TMC6: variants seen among roughly 807,000 people sequenced by gnomAD.
The protein encoded by TMC6 is transmembrane channel like 6.
TMC6 carries 71 observed loss-of-function variants against 95.4 expected under a neutral mutation model. The ratio of observed to expected loss-of-function variants is 0.74; its 90% confidence interval spans 0.61 to 0.91. The LOEUF (loss-of-function observed/expected upper bound fraction) is 0.91. TMC6 is among the 40% of genes least tolerant of loss of function. The pLI is 0.00. For missense variants in TMC6, 1,074 were observed against 1,079.1 expected (o/e 1.00, Z 0.07); for synonymous variants, 514 against 483.1 (o/e 1.06, Z -0.84).
At chr17:78,125,022 G>A (rs924129385) in intron 6 of TMC6, 37 bp from the exon 7 acceptor site, 2 of 1,553,782 alleles carry the variant, frequency 1.3e-6, no homozygotes, top group African/African-American at 2.7e-5. Context: ...CTGGACCAAT[G>A]AGGGGCCTGA....
rs2073785119 is a variant in TMC6, at chr17:78,109,636, CAGA to C, written c.*3509_*3511del. 2.3e-6 allele frequency: 1 copy of C among 443,742 alleles called. No individual in the cohort carries two copies. Among genetic ancestry groups the C allele is most frequent in the Admixed American group, 2.4e-5 (1 of 41,642 alleles). 27.5% of individuals were successfully genotyped at this position (443,742 alleles called of 1,614,324 possible). On this transcript the variant is annotated 3_prime_UTR_variant, in exon 20 of 20. Transcript: ENST00000590602. ...ACAGAAAGACCCCATCTCAAAAAAG[CAGA>C]AGCACATTTCCGAAGCCCCCCAAGC... is the stretch of plus-strand genomic sequence containing the variant.
upstream of TMC6, among the ~76,000 whole-genome samples, chr17:78,130,402 C>T (rs553502017): frequency 1.3e-3 from 199 of 152,368 alleles, no homozygotes; most frequent in African/African-American, 4.6e-3. Context: ...GCTCCCAGCT[C>T]AGGCCTCGAG....
In TMC6 at chr17:78,108,682, C is replaced by G. The variant is rs777989024; in HGVS notation, c.*4466G>C. Reference sequence around the variant, plus strand: ...TAAAGCCCTGTGTAGGGACCCCACGCAAAGACCTCGTGGGCCTGGGTGTCC... The same window carrying G: ...TAAAGCCCTGTGTAGGGACCCCACGGAAAGACCTCGTGGGCCTGGGTGTCC... On this transcript the variant is annotated 3_prime_UTR_variant, in exon 20 of 20. Transcript: ENST00000590602. 3 of 154,566 alleles carry G rather than the reference C, an allele frequency of 1.9e-5. No homozygotes were observed. Among genetic ancestry groups the G allele is most frequent in the Non-Finnish European group, 2.9e-5 (2 of 68,230 alleles). 9.6% of individuals were successfully genotyped at this position (154,566 alleles called of 1,614,324 possible).
chr17:78,132,356 C>G (rs758892814), upstream of TMC6: 1 of 1,612,828 alleles, frequency 6.2e-7, no homozygotes, highest in Non-Finnish European at 8.5e-7. Context: ...TCTCCCACTG[C>G]AGGCCTCTTC....
At position 78,121,170 on chromosome 17, in the gene TMC6, GGGGTGCA is replaced by G; in HGVS notation, c.1384-13_1384-7del. On this transcript the variant is annotated splice_region_variant and splice_polypyrimidine_tract_variant and intron_variant, in intron 11 of 19. Coordinates refer to ENST00000590602, the MANE Select transcript of TMC6 (RefSeq NM_001127198.5). This position sits in a 1 kb window ranked among gnomAD's most constrained non-coding sequence, Gnocchi z 5.6. ...TGGCCAGCAGCCTCTGGACTCTGCA[GGGGTGCA>G]GGGAGCGGTGTCATGGAAGCCCCCC... 1.3e-6 allele frequency: 2 copies of G among 1,581,484 alleles called. No homozygotes were observed. The highest frequency in any genetic ancestry group is 1.7e-6 in the Non-Finnish European group (2 of 1,164,432).
Position 78,124,754 on chromosome 17 carries a change from G to GCAGCGCCAGGCC in TMC6, c.649_660dup (p.Gly217_Leu220dup). The GCAGCGCCAGGCC allele has an allele frequency of 6.3e-7, 1 of 1,583,652 alleles. No individual in the cohort carries two copies. The highest frequency in any genetic ancestry group is 8.6e-7 in the Non-Finnish European group (1 of 1,165,564). ...GGCATCAGGGCCTGCAGGGCGGAGA[G>GCAGCGCCAGGCC]CAGCGCCAGGCCCAGGCTGTGCAAG... On this transcript the variant is annotated inframe_insertion, in exon 8 of 20. Coordinates refer to ENST00000590602, the MANE Select transcript of TMC6 (RefSeq NM_001127198.5).
At position 78,117,922 on chromosome 17, in the gene TMC6, G is replaced by A; in HGVS notation, c.1901C>T (p.Ala634Val). 1 of 1,602,186 alleles carries A rather than the reference G, an allele frequency of 6.2e-7. No homozygotes were observed. The highest frequency in any genetic ancestry group is 8.5e-7 in the Non-Finnish European group (1 of 1,175,236). Residue 634 changes from alanine (A) to valine (V), a missense_variant, in exon 16 of 20, where the codon GCC (alanine) becomes GTC (valine). Transcript: ENST00000590602. ...GGGCCGGCGCGGCGCCTGGCAGTTGGCCAGAAGGCTGGTCTGTGGGGAAAG... is the reference window on the plus strand; with the variant it reads ...GGGCCGGCGCGGCGCCTGGCAGTTGACCAGAAGGCTGGTCTGTGGGGAAAG... ...VFYVKKTSLL[A>V]NCQAPRRPWL...
chr17:78,117,228 G>A (rs779788512), intron 18 of TMC6, 41 bp downstream of exon 18: 2 of 1,604,812 alleles, frequency 1.2e-6, no homozygotes, highest in Admixed American at 3.3e-5. Flanking sequence ...CAGGTGACCT[G>A]AGAGGGTGGG....
At chr17:78,131,741 G>T (rs200226247), upstream of TMC6, 333 of 1,579,310 alleles carry the variant, frequency 2.1e-4, no homozygotes, top group Non-Finnish European at 2.7e-4. Flanking sequence ...TCATCTGGTG[G>T]GTGCCACGCG....
At position 78,121,053 on chromosome 17, in the gene TMC6, G is replaced by A; in HGVS notation, c.1495C>T (p.His499Tyr). ...LCRVLAALEP[H>Y]DSPVLEVYVA... The stretch of plus-strand genomic sequence containing the variant: ...TACACCTCCAGTACCGGGGAGTCAT[G>A]CGGCTCCAGGGCGGCCAGGACACGG... Residue 499 changes from histidine (H) to tyrosine (Y), a missense_variant, in exon 12 of 20, where the codon CAT (histidine) becomes TAT (tyrosine). By Grantham distance (83) the His-to-Tyr change is moderately conservative (BLOSUM62 2). Coordinates refer to ENST00000590602, the MANE Select transcript of TMC6 (RefSeq NM_001127198.5). The surrounding 1 kb of genome is among the most constrained non-coding windows in gnomAD (Gnocchi z 5.6). 6.2e-7 allele frequency: 1 copy of A among 1,613,318 alleles called. No homozygotes were observed. Among genetic ancestry groups the A allele is most frequent in the Non-Finnish European group, 8.5e-7 (1 of 1,180,010 alleles).
In TMC6 at chr17:78,113,121, G is replaced by A. The variant is rs369609129; in HGVS notation, c.*27C>T. 24 of 1,550,334 alleles carry A rather than the reference G, an allele frequency of 1.5e-5. No homozygotes were observed. The highest frequency in any genetic ancestry group is 1.2e-4 in the Admixed American group (6 of 50,942). ...ACAGTGTGGTCTCAGGGTGCTGGGCGGGCCCGTGAGGCCCATCGCCGTCCC... is the reference window on the plus strand; with the variant it reads ...ACAGTGTGGTCTCAGGGTGCTGGGCAGGCCCGTGAGGCCCATCGCCGTCCC... On this transcript the variant is annotated 3_prime_UTR_variant, in exon 20 of 20. Coordinates refer to ENST00000590602, the MANE Select transcript of TMC6 (RefSeq NM_001127198.5).
At chr17:78,118,118 C>T (rs1206287946) in intron 15 of TMC6, 183 bp from the exon 16 acceptor site, 7 of 1,053,156 alleles carry the variant, frequency 6.6e-6, no homozygotes, top group African/African-American at 4.8e-5. Flanking sequence ...TGCACGCAAA[C>T]GGGTGATGCC....
In TMC6 at chr17:78,119,331, C is replaced by T. The variant is rs1422742102; in HGVS notation, c.1777G>A (p.Val593Ile). 7.4e-6 allele frequency: 12 copies of T among 1,614,100 alleles called. No individual in the cohort carries two copies. The Admixed American group carries it at 1.8e-4, about 25-fold the overall frequency. Residue 593 changes from valine (V) to isoleucine (I), a missense_variant, in exon 14 of 20, where the codon GTC becomes ATC. Val to Ile is a conservative substitution (Grantham distance 29). Transcript: ENST00000590602. ...RKPEFDIARN[V>I]LELIYGQTLT... Reference sequence around the variant, plus strand: ...GTCTGCCCATAAATCAGCTCCAGGACATTCCGGGCAATGTCAAACTCCGGC... The same window carrying T: ...GTCTGCCCATAAATCAGCTCCAGGATATTCCGGGCAATGTCAAACTCCGGC...
At chr17:78,131,461 C>G (rs1568010910), upstream of TMC6, 15 of 1,361,646 alleles carry the variant, frequency 1.1e-5, no homozygotes, top group Non-Finnish European at 1.5e-5. Flanking sequence ...GCAGAGGGGA[C>G]GGAAGGGCCC....
intron 16 of TMC6, 71 bp from the exon 17 acceptor site, chr17:78,117,715 C>G: frequency 6.4e-7 from 1 of 1,560,138 alleles, no homozygotes; most frequent in Non-Finnish European, 8.7e-7. Context: ...AGCCCGTCCT[C>G]TGCACCCCTA....
rs1286577388 is a variant in TMC6, at chr17:78,109,674, T to C, written c.*3474A>G. 2 of 415,138 alleles carry C rather than the reference T, an allele frequency of 4.8e-6. No homozygotes were observed. The highest frequency in any genetic ancestry group is 3.5e-4 in the Middle Eastern group (1 of 2,848). The allele number at this position is 415,138 out of a possible 1,614,324, so 25.7% of individuals were successfully genotyped here. A position where few individuals can be genotyped will look rare whatever the true frequency, so the allele number is the denominator to read the frequency against. On this transcript the variant is annotated 3_prime_UTR_variant, in exon 20 of 20. Transcript: ENST00000590602. ...CCGAAGCCCCCCAAGCCCACGGGCG[T>C]GAGTGCATGCATGCGTTTGTGACAG...
At chr17:78,132,156 C>G (rs576012699), upstream of TMC6, 1 of 1,447,294 alleles carries the variant, frequency 6.9e-7, no homozygotes, top group African/African-American at 1.4e-5. Context: ...GGCCCCTCCC[C>G]CCTCCCACCC....
chr17:78,111,966 G>A lies in TMC6; in HGVS notation c.*1182C>T, dbSNP rs536836295. 5 of 185,530 alleles carry A rather than the reference G, an allele frequency of 2.7e-5. No individual in the cohort carries two copies. The highest frequency in any genetic ancestry group is 2.5e-4 in the African/African-American group (5 of 19,984). The allele number at this position is 185,530 out of a possible 1,614,324, so 11.5% of individuals were successfully genotyped here. On this transcript the variant is annotated 3_prime_UTR_variant, in exon 20 of 20. Coordinates refer to ENST00000590602, the MANE Select transcript of TMC6 (RefSeq NM_001127198.5). ...GGTCCCCGCAGGCCTGGAGCACTGG[G>A]GTCATGACGGGCTGGTTCCCGCAGG...
rs544408768 is a variant in TMC6 at position 78,125,365 on chromosome 17, C to T, written c.431-102G>A. On this transcript the variant is annotated intron_variant, in intron 5 of 19. Transcript: ENST00000590602. ...CCTGTGTGTCCCTGCGGCACCGTCC[C>T]GAGACACCTCGGTGCCCTTATTTGA... The T allele has an allele frequency of 1.2e-3, 1,283 of 1,047,068 alleles. 2 individuals are homozygous for T. Among genetic ancestry groups the T allele is most frequent in the Non-Finnish European group, 1.7e-3 (1,175 of 699,574 alleles). 64.9% of individuals were successfully genotyped at this position (1,047,068 alleles called of 1,614,324 possible). A position where few individuals can be genotyped will look rare whatever the true frequency, so the allele number is the denominator to read the frequency against.
Sources: allele counts gnomAD v4.1 joint callset (sites outside exome capture counted in the v4.1 genomes callset), GRCh38; gene constraint gnomAD v4.1.1; non-coding constraint Gnocchi (gnomAD v3.1); transcripts MANE v1.5; gene names NCBI Gene and HGNC (gene_info 2026-07-23, HGNC 2026-07-21).